The following EFEMP1 variants were observed in gnomAD, a reference collection of about 807,000 sequenced individuals.
The protein encoded by EFEMP1 is EGF-containing fibulin-like extracellular matrix protein 1.
In EFEMP1, 18 loss-of-function variants were observed where a neutral mutation model predicts 65.7. That is an observed-to-expected ratio of 0.27 (90% CI 0.19 to 0.41). EFEMP1 has a LOEUF of 0.41. Among genes scored for constraint, EFEMP1 ranks in the 10% least tolerant of loss-of-function variants. The pLI is 1.00. For missense variants in EFEMP1, 469 were observed against 624.8 expected, an observed-to-expected ratio of 0.75 and a Z score of 2.66; for synonymous variants, 237 against 219.7, an observed-to-expected ratio of 1.08 and a Z score of -0.70.
At chr2:55,918,321 T>C (rs1008567976) in intron 3 of EFEMP1, 54 bp from the exon 4 acceptor site, 9 of 1,592,906 alleles carry the variant, frequency 5.7e-6, no homozygotes, top group African/African-American at 5.4e-5. Flanking sequence ...GGTGTGTCCA[T>C]TCCCTAAGAA....
chr2:55,911,720 G>T (rs1670488992), intron 5 of EFEMP1, among the ~76,000 whole-genome samples: 2 of 152,002 alleles, frequency 1.3e-5, no homozygotes, highest in African/African-American at 4.8e-5. Context: ...GAATTAGGGA[G>T]GTGTGTAGCA....
chr2:55,906,815 C>T (rs958793739), intron 5 of EFEMP1, among the ~76,000 whole-genome samples: 9 of 152,090 alleles, frequency 5.9e-5, no homozygotes, highest in South Asian at 2.1e-4. Context: ...CCACCTTAAA[C>T]GATAGTTCAT....
chr2:55,909,301 T>C (rs1021493179), intron 5 of EFEMP1, among the ~76,000 whole-genome samples: 4 of 152,208 alleles, frequency 2.6e-5, no homozygotes, highest in Non-Finnish European at 5.9e-5. Context: ...GGAATATGTT[T>C]AGACAGAGCT....
rs1251745863 is a variant in EFEMP1, at chr2:55,903,806, C to CATATATGTATGT, written c.517+13858_517+13859insACATACATATAT. 1.3e-3 allele frequency among the ~76,000 whole-genome samples: 201 copies of CATATATGTATGT among 152,110 alleles called. 1 individual carries two copies. The highest frequency in any genetic ancestry group is 4.0e-3 in the African/African-American group (165 of 41,468). On this transcript the variant is annotated intron_variant, in intron 5 of 11. Coordinates refer to ENST00000355426, the MANE Select transcript of EFEMP1 (RefSeq NM_001039348.3). ...ATGCATGTATACATATATATGTATA[C>CATATATGTATGT]ATACATATATGAGTGGACAGTTGGT...
intron 5 of EFEMP1, among the ~76,000 whole-genome samples, chr2:55,902,609 G>T (rs1670081264): frequency 6.6e-6 from 1 of 152,218 alleles, no homozygotes; most frequent in South Asian, 2.1e-4. Flanking sequence ...GGAAAAGACT[G>T]CAGTGATCTA....
chr2:55,875,125 GATATATATATATATATAAATTATATATAT>G, intron 8 of EFEMP1, 60 bp from the exon 9 acceptor site: 10 of 778,876 alleles, frequency 1.3e-5, no homozygotes, highest in African/African-American at 1.9e-5. Flanking sequence ...CACTACTTTG[GATATATATATATATATAAATTATATATAT>G]ATATAAATTA....
At position 55,922,771 on chromosome 2, in the gene EFEMP1, G is replaced by A; in HGVS notation, c.-8+128C>T. On this transcript the variant is annotated intron_variant, in intron 2 of 11. Transcript: ENST00000355426. The surrounding 1 kb of genome is among the most constrained non-coding windows in gnomAD (Gnocchi z 5.5). ...GGCTGCAGAAAGAGGGGGTCGAAAG[G>A]AAAAAACAGTAATCCATTTCAAAGG... The A allele has an allele frequency of 1.4e-6, 1 of 727,680 alleles. No homozygotes were observed. The highest frequency in any genetic ancestry group is 1.9e-6 in the Non-Finnish European group (1 of 523,062). The allele number at this position is 727,680 out of a possible 1,614,324, so 45.1% of individuals were successfully genotyped here.
rs1419596640 is a variant in EFEMP1, at chr2:55,866,549, A to G, written c.*524T>C. 6.5e-6 allele frequency: 1 copy of G among 154,212 alleles called. No individual in the cohort carries two copies. The highest frequency in any genetic ancestry group is 2.4e-5 in the African/African-American group (1 of 41,460). 9.6% of individuals were successfully genotyped at this position (154,212 alleles called of 1,614,324 possible). On this transcript the variant is annotated 3_prime_UTR_variant, in exon 12 of 12. Coordinates refer to ENST00000355426, the MANE Select transcript of EFEMP1 (RefSeq NM_001039348.3). ...GCAATGATTTATTACTATATAATAA[A>G]CAACCACCTTTAGGCTGGATATGAA...
chr2:55,917,897 T>A lies in EFEMP1; in HGVS notation c.285A>T (p.Ser95=), dbSNP rs1371908287. The A allele has an allele frequency of 6.2e-7, 1 of 1,614,072 alleles. No homozygotes were observed. The highest frequency in any genetic ancestry group is 2.2e-5 in the East Asian group (1 of 44,894). The change falls in exon 5 of 12, where the codon TCA becomes TCT. Residue 95 remains serine, a synonymous_variant. Coordinates refer to ENST00000355426, the MANE Select transcript of EFEMP1 (RefSeq NM_001039348.3). The surrounding 1 kb of genome is among the most constrained non-coding windows in gnomAD (Gnocchi z 6.3). Reference sequence around the variant, plus strand: ...CAGCTACAACCCCGGTGGTTGCCCCTGAGGTTCCTTCTGCTGGTTGTGTTT... The same window carrying A: ...CAGCTACAACCCCGGTGGTTGCCCCAGAGGTTCCTTCTGCTGGTTGTGTTT... The part of the protein sequence containing the change: ...QQETQPAEGT[S]GATTGVVAAS...
At chr2:55,881,511 C>T in intron 6 of EFEMP1, 101 bp downstream of exon 6, 1 of 1,485,440 alleles carries the variant, frequency 6.7e-7, no homozygotes, top group Non-Finnish European at 9.3e-7. Context: ...TTATTGGCTA[C>T]CACTCTCCAA....
rs540294121 is a variant in EFEMP1 at position 55,905,869 on chromosome 2, A to T, written c.517+11796T>A. Among the ~76,000 whole-genome samples the T allele has an allele frequency of 1.3e-5, 2 of 152,284 alleles. 1 individual carries two copies. The highest frequency in any genetic ancestry group is 4.1e-4 in the South Asian group (2 of 4,826). ...TAACAGACTGACATTCTAATAGTCC[A>T]TTTGGTGTATTAACCTTCTGTGATA... On this transcript the variant is annotated intron_variant, in intron 5 of 11. Transcript: ENST00000355426.
intron 5 of EFEMP1, among the ~76,000 whole-genome samples, chr2:55,889,912 A>G (rs1669572274): frequency 6.6e-6 from 1 of 152,086 alleles, no homozygotes; most frequent in Admixed American, 6.6e-5. Context: ...AGGTAAGAAA[A>G]CAAAAGGAAA....
intron 5 of EFEMP1, among the ~76,000 whole-genome samples, chr2:55,891,249 T>A (rs1185529451): frequency 6.6e-6 from 1 of 152,106 alleles, no homozygotes; most frequent in East Asian, 1.9e-4. Context: ...GAGTTTCCTA[T>A]CACTGGAAAT....
intron 5 of EFEMP1, among the ~76,000 whole-genome samples, chr2:55,915,005 A>C (rs1032430556): frequency 6.6e-6 from 1 of 152,262 alleles, no homozygotes; most frequent in East Asian, 1.9e-4. Context: ...TAGCTCAATA[A>C]GAAATGGGCA....
chr2:55,887,471 CA>C (rs752067518), intron 5 of EFEMP1, among the ~76,000 whole-genome samples: 1 of 152,064 alleles, frequency 6.6e-6, no homozygotes, highest in African/African-American at 2.4e-5. Context: ...ATTTTTTTGT[CA>C]AAGACTTTCT....
At position 55,876,756 on chromosome 2, in the gene EFEMP1, T is replaced by A. The variant is rs569812649; in HGVS notation, c.761-14A>T. On this transcript the variant is annotated splice_polypyrimidine_tract_variant and intron_variant, in intron 7 of 11. Transcript: ENST00000355426. ...ATTCATTTATATCTGAAAAAAAGTT[T>A]TATATATATATATATGTATATGTAT... 84 of 1,470,606 alleles carry A rather than the reference T, an allele frequency of 5.7e-5. No individual in the cohort carries two copies. Among genetic ancestry groups the A allele is most frequent in the African/African-American group, 2.0e-4 (14 of 70,110 alleles). The allele number at this position is 1,470,606 out of a possible 1,614,324, so 91.1% of individuals were successfully genotyped here.
At chr2:55,880,802 G>A (rs765076900) in intron 6 of EFEMP1, among the ~76,000 whole-genome samples, 5 of 152,164 alleles carry the variant, frequency 3.3e-5, no homozygotes, top group African/African-American at 4.8e-5. Flanking sequence ...CTGCCAGTTG[G>A]CTTCCTCATA....
chr2:55,882,814 C>T (rs926058775), intron 5 of EFEMP1, among the ~76,000 whole-genome samples: 3 of 151,956 alleles, frequency 2.0e-5, no homozygotes, highest in Admixed American at 6.6e-5. Context: ...ATTTAAGACC[C>T]CTGAGGCAGA....
chr2:55,875,013 A>G lies in EFEMP1; in HGVS notation c.933T>C (p.Asn311=). The change falls in exon 9 of 12, where the codon AAT becomes AAC. Residue 311 remains asparagine (N), a synonymous_variant. Transcript: ENST00000355426. ...SSYLCQYQCV[N]EPGKFSCMCP... ...ACATACATGAGAATTTCCCAGGTTC[A>G]TTGACACATTGATATTGACACAGGT... is the stretch of plus-strand genomic sequence containing the variant. 2 of 1,608,920 alleles carry G rather than the reference A, an allele frequency of 1.2e-6. No homozygotes were observed. The highest frequency in any genetic ancestry group is 1.7e-6 in the Non-Finnish European group (2 of 1,177,084).
Sources: gnomAD v4.1 joint callset for allele counts (sites outside exome capture counted in the v4.1 genomes callset) on GRCh38, gnomAD v4.1.1 for gene constraint, Gnocchi (gnomAD v3.1) non-coding constraint, MANE v1.5 for transcripts, NCBI Gene and HGNC (gene_info 2026-07-23, HGNC 2026-07-21) for gene names.